MGAT4C: variants seen among roughly 807,000 people sequenced by gnomAD.
MGAT4C encodes alpha-1,3-mannosyl-glycoprotein 4-beta-N-acetylglucosaminyltransferase C.
In MGAT4C, 19 loss-of-function variants were observed where a neutral mutation model predicts 40.1. That is an observed-to-expected ratio of 0.47 (90% CI 0.33 to 0.70). MGAT4C has a LOEUF of 0.70. Among genes scored for constraint, MGAT4C ranks in the 30% least tolerant of loss-of-function variants. The pLI is 0.02. For missense variants in MGAT4C, 491 were observed against 563.2 expected, an observed-to-expected ratio of 0.87 and a Z score of 1.30; for synonymous variants, 181 against 187.1, an observed-to-expected ratio of 0.97 and a Z score of 0.27.
rs1046200818 is a variant in MGAT4C at position 86,099,841 on chromosome 12, T to C, written c.-56-50118A>G. On this transcript the variant is annotated intron_variant, in intron 1 of 4. Coordinates refer to ENST00000611864, the MANE Select transcript of MGAT4C (RefSeq NM_001351288.2). ...GCCAATTTTCATGAATATTTTATGA[T>C]TTATTTTAAAAATTAAAACTTTCTG... Among the ~76,000 whole-genome samples the C allele has an allele frequency of 1.3e-5, 2 of 151,464 alleles. 1 individual carries two copies. Among genetic ancestry groups the C allele is most frequent in the South Asian group, 4.1e-4 (2 of 4,828 alleles).
chr12:86,492,646 T>C (rs1592913858), intron 2 of MGAT4C, among the ~76,000 whole-genome samples: 1 of 152,092 alleles, frequency 6.6e-6, no homozygotes, highest in Admixed American at 6.6e-5. Context: ...AAAAATTAAT[T>C]CAAGATGGAT....
At chr12:86,523,538 T>C (rs896056161) in intron 2 of MGAT4C, among the ~76,000 whole-genome samples, 5 of 152,158 alleles carry the variant, frequency 3.3e-5, no homozygotes, top group Admixed American at 6.6e-5. Flanking sequence ...ATGTTACATG[T>C]GGCAATGAGA....
chr12:86,399,877 G>C (rs151212437), intron 3 of MGAT4C, among the ~76,000 whole-genome samples: 3 of 152,086 alleles, frequency 2.0e-5, no homozygotes, highest in African/African-American at 7.3e-5. Flanking sequence ...ACAGGTAAAC[G>C]TAAGTGTTTC....
intron 2 of MGAT4C, among the ~76,000 whole-genome samples, chr12:86,466,102 G>A (rs200393624): frequency 2.6e-5 from 4 of 151,966 alleles, no homozygotes; most frequent in Admixed American, 6.6e-5. Flanking sequence ...CCAGCTACTC[G>A]GGAAGCTGAG....
intron 2 of MGAT4C, among the ~76,000 whole-genome samples, chr12:86,518,716 C>G (rs1374007579): frequency 2.0e-5 from 3 of 152,066 alleles, no homozygotes; most frequent in Non-Finnish European, 4.4e-5. Flanking sequence ...TATAATTGCT[C>G]AAAAAGACTT....
intron 1 of MGAT4C, among the ~76,000 whole-genome samples, chr12:86,128,932 T>C (rs569838720): frequency 6.6e-6 from 1 of 152,156 alleles, no homozygotes; most frequent in East Asian, 1.9e-4. Context: ...AAGGGTGTCC[T>C]TTCCCCACTT....
At chr12:86,321,526 T>C (rs1228386834) in intron 4 of MGAT4C, among the ~76,000 whole-genome samples, 1 of 152,188 alleles carries the variant, frequency 6.6e-6, no homozygotes, top group Non-Finnish European at 1.5e-5. Flanking sequence ...ATGAGTAAAC[T>C]AAGACACACC....
intron 2 of MGAT4C, among the ~76,000 whole-genome samples, chr12:86,689,839 A>G (rs1245383092): frequency 6.6e-6 from 1 of 152,078 alleles, no homozygotes; most frequent in Non-Finnish European, 1.5e-5. Flanking sequence ...GAGCTCAACC[A>G]CTGTGCTGGG....
intron 2 of MGAT4C, among the ~76,000 whole-genome samples, chr12:86,637,307 T>C (rs1163415629): frequency 6.6e-6 from 1 of 152,016 alleles, no homozygotes; most frequent in African/African-American, 2.4e-5. Context: ...ATTCAGGTAC[T>C]CTGAGTTGCA....
intron 2 of MGAT4C, among the ~76,000 whole-genome samples, chr12:86,640,432 T>C (rs1245658441): frequency 2.0e-5 from 3 of 152,026 alleles, no homozygotes; most frequent in Non-Finnish European, 4.4e-5. Context: ...AAGAATTCTG[T>C]GGGATCGGTG....
chr12:86,781,371 A>G (rs1200673809), intron 1 of MGAT4C, among the ~76,000 whole-genome samples: 3 of 152,030 alleles, frequency 2.0e-5, no homozygotes, highest in South Asian at 2.1e-4. Context: ...AATTGTAGAT[A>G]TAAGTATTGA....
At chr12:86,012,238 C>A (rs892206816) in intron 2 of MGAT4C, among the ~76,000 whole-genome samples, 1 of 152,156 alleles carries the variant, frequency 6.6e-6, no homozygotes, top group Non-Finnish European at 1.5e-5. Context: ...AAATCCTGAG[C>A]ATATTTTTTT....
chr12:86,458,506 A>C (rs1345619871), intron 2 of MGAT4C, among the ~76,000 whole-genome samples: 1 of 152,196 alleles, frequency 6.6e-6, no homozygotes, highest in Non-Finnish European at 1.5e-5. Flanking sequence ...TCCATTTGGA[A>C]GAATGGAACA....
chr12:86,222,712 G>A lies in MGAT4C; in HGVS notation c.-57+33527C>T, dbSNP rs183800403. ...ATTATTCCTTTTTAACCTCCTAGTT[G>A]TTTCTTTTCTAAAATCTATACATAT... On this transcript the variant is annotated intron_variant, in intron 1 of 4. Coordinates refer to ENST00000611864, the MANE Select transcript of MGAT4C (RefSeq NM_001351288.2). 5.9e-3 allele frequency among the ~76,000 whole-genome samples: 904 copies of A among 152,156 alleles called. 5 individuals are homozygous for A. The highest frequency in any genetic ancestry group is 0.01 in the Middle Eastern group (3 of 292).
intron 1 of MGAT4C, among the ~76,000 whole-genome samples, chr12:86,740,400 T>C (rs1951050222): frequency 6.6e-6 from 1 of 151,202 alleles, no homozygotes; most frequent in Non-Finnish European, 1.5e-5. Flanking sequence ...AAGAAGTTTG[T>C]AGAAGTGTGT....
intron 2 of MGAT4C, among the ~76,000 whole-genome samples, chr12:86,634,898 A>C (rs1333685543): frequency 6.6e-6 from 1 of 152,134 alleles, no homozygotes; most frequent in East Asian, 1.9e-4. Flanking sequence ...GATTATGTAA[A>C]CATGTGACTC....
At chr12:86,088,972 G>A (rs1316303178) in intron 1 of MGAT4C, among the ~76,000 whole-genome samples, 1 of 151,962 alleles carries the variant, frequency 6.6e-6, no homozygotes, top group Non-Finnish European at 1.5e-5. Context: ...GTGCACTTTA[G>A]ATTTAAGCCA....
chr12:86,591,081 G>A (rs978955119), intron 2 of MGAT4C, among the ~76,000 whole-genome samples: 7 of 151,928 alleles, frequency 4.6e-5, no homozygotes, highest in African/African-American at 1.7e-4. Context: ...AAATAGGGAT[G>A]GAGAGGTGGT....
intron 2 of MGAT4C, among the ~76,000 whole-genome samples, chr12:86,020,625 TA>T (rs1403268814): frequency 2.0e-5 from 3 of 152,066 alleles, no homozygotes; most frequent in African/African-American, 7.2e-5. Flanking sequence ...CCTAAAACCA[TA>T]AAAACCCTAG....
Sources: allele counts gnomAD v4.1 joint callset (sites outside exome capture counted in the v4.1 genomes callset), GRCh38; gene constraint gnomAD v4.1.1; transcripts MANE v1.5; gene names NCBI Gene and HGNC (gene_info 2026-07-23, HGNC 2026-07-21).